UBE4B: variants seen among roughly 807,000 people sequenced by gnomAD.
UBE4B encodes ubiquitination factor E4B.
A neutral mutation model predicts 148.1 loss-of-function variants in UBE4B; 27 were observed. That is an observed-to-expected ratio of 0.18 (90% CI 0.13 to 0.25). The LOEUF (loss-of-function observed/expected upper bound fraction) is 0.25. UBE4B is among the 10% of genes least tolerant of loss of function. The pLI, the probability that UBE4B is intolerant of heterozygous loss-of-function variation, is 1.00. For missense variants in UBE4B, 1,170 were observed against 1,662.4 expected, an observed-to-expected ratio of 0.70 and a Z score of 5.15; for synonymous variants, 596 against 619.3, an observed-to-expected ratio of 0.96 and a Z score of 0.56.
intron 2 of UBE4B, among the ~76,000 whole-genome samples, chr1:10,085,352 C>A (rs1644748054): frequency 6.6e-6 from 1 of 152,206 alleles, no homozygotes; most frequent in South Asian, 2.1e-4. Context: ...TGGCCTCAGG[C>A]CTCTTGACTT....
intron 2 of UBE4B, among the ~76,000 whole-genome samples, chr1:10,077,674 C>G (rs1644607115): frequency 6.6e-6 from 1 of 152,224 alleles, no homozygotes; most frequent in Non-Finnish European, 1.5e-5. Flanking sequence ...AGCTGGCTGA[C>G]ATTGTTCCTC....
chr1:10,128,113 T>C (rs1366068085), intron 11 of UBE4B, among the ~76,000 whole-genome samples: 2 of 152,194 alleles, frequency 1.3e-5, no homozygotes, highest in African/African-American at 4.8e-5. Context: ...ATCTGATTGT[T>C]TGAGTTCAGT....
At chr1:10,059,100 G>A (rs1644233901) in intron 1 of UBE4B, 1 of 152,302 alleles carries the variant, frequency 6.6e-6, no homozygotes, top group South Asian at 2.1e-4. Flanking sequence ...TGTGGCGGTG[G>A]GCGCCTGTAG....
At chr1:10,151,873 C>A (rs1286564673) in intron 21 of UBE4B, among the ~76,000 whole-genome samples, 1 of 151,920 alleles carries the variant, frequency 6.6e-6, no homozygotes, top group Non-Finnish European at 1.5e-5. Context: ...TTATCTGGTT[C>A]ATTTTACCTT....
chr1:10,136,012 A>G (rs1287429279), intron 16 of UBE4B, among the ~76,000 whole-genome samples: 1 of 152,148 alleles, frequency 6.6e-6, no homozygotes, highest in Admixed American at 6.5e-5. Flanking sequence ...CCCAGTAGTA[A>G]CATTATTTAT....
At chr1:10,037,337 T>G (rs1643580214) in intron 1 of UBE4B, among the ~76,000 whole-genome samples, 1 of 151,962 alleles carries the variant, frequency 6.6e-6, no homozygotes. Context: ...GTCTTGTGCT[T>G]TTAAGTAGAG....
In UBE4B at chr1:10,158,496, C is replaced by T; in HGVS notation, c.3053+14C>T. 1 of 1,608,654 alleles carries T rather than the reference C, an allele frequency of 6.2e-7. No individual in the cohort carries two copies. The highest frequency in any genetic ancestry group is 8.5e-7 in the Non-Finnish European group (1 of 1,177,232). On this transcript the variant is annotated intron_variant, in intron 22 of 27. Transcript: ENST00000343090. ...GGAGGAGTTCAAGTGAGTATGGGGC[C>T]CCTCGTGTCACAACTTGCTTTCTTG...
chr1:10,143,079 G>C (rs964377374), intron 17 of UBE4B, among the ~76,000 whole-genome samples: 1 of 152,142 alleles, frequency 6.6e-6, no homozygotes, highest in Non-Finnish European at 1.5e-5. Flanking sequence ...CTGCACTCCA[G>C]GGCAACAGAG....
chr1:10,175,441 G>A (rs1019663676), intron 25 of UBE4B, among the ~76,000 whole-genome samples: 1 of 151,738 alleles, frequency 6.6e-6, no homozygotes, highest in South Asian at 2.1e-4. Flanking sequence ...CACAAGGTCA[G>A]GAGATCGAGA....
At position 10,137,316 on chromosome 1, in the gene UBE4B, T is replaced by C. The variant is rs1369031648; in HGVS notation, c.2363+111T>C. ...TGAATGTTGGGGGAGGTATGTACGT[T>C]ATATAGTGTTCTGTCTGCCTCCACC... On this transcript the variant is annotated intron_variant, in intron 17 of 27. Coordinates refer to ENST00000343090, the MANE Select transcript of UBE4B (RefSeq NM_001105562.3). 4 of 1,392,566 alleles carry C rather than the reference T, an allele frequency of 2.9e-6. No individual in the cohort carries two copies. The African/African-American group carries it at 5.7e-5, about 20-fold the overall frequency. The allele number at this position is 1,392,566 out of a possible 1,614,324, so 86.3% of individuals were successfully genotyped here. A position where few individuals can be genotyped will look rare whatever the true frequency, so the allele number is the denominator to read the frequency against.
chr1:10,125,023 G>T (rs1476759457), intron 10 of UBE4B, among the ~76,000 whole-genome samples: 1 of 152,172 alleles, frequency 6.6e-6, no homozygotes, highest in Non-Finnish European at 1.5e-5. Context: ...CTACTTGGGA[G>T]GCTGAGGCAG....
chr1:10,038,875 T>C (rs1229564899), intron 1 of UBE4B, among the ~76,000 whole-genome samples: 2 of 151,864 alleles, frequency 1.3e-5, no homozygotes, highest in Admixed American at 6.6e-5. Flanking sequence ...GGCAGGCGGA[T>C]CACGTGAAAC....
At chr1:10,053,844 A>G (rs1644104393) in intron 1 of UBE4B, among the ~76,000 whole-genome samples, 2 of 152,088 alleles carry the variant, frequency 1.3e-5, no homozygotes, top group Non-Finnish European at 2.9e-5. Flanking sequence ...TGTTGCCACC[A>G]TGCCTGGCTA....
intron 1 of UBE4B, among the ~76,000 whole-genome samples, chr1:10,046,107 G>GAGGGGAGGTCATGTGCCTC (rs1553134937): frequency 4.6e-5 from 7 of 152,194 alleles, no homozygotes; most frequent in Non-Finnish European, 7.3e-5. Context: ...CCAGAGAGGG[G>GAGGGGAGGTCATGTGCCTC]AGGGGAGGTC....
intron 1 of UBE4B, among the ~76,000 whole-genome samples, chr1:10,067,767 G>A (rs1444047460): frequency 6.6e-6 from 1 of 151,940 alleles, no homozygotes; most frequent in African/African-American, 2.4e-5. Context: ...TCACTCTATG[G>A]CCCAGGCTGG....
intron 2 of UBE4B, among the ~76,000 whole-genome samples, chr1:10,079,868 C>G (rs1367056728): frequency 6.6e-6 from 1 of 152,196 alleles, no homozygotes; most frequent in Non-Finnish European, 1.5e-5. Flanking sequence ...CTTCATCCTG[C>G]TTCCATTCAT....
At chr1:10,126,944 T>C (rs1010779320) in intron 11 of UBE4B, 67 bp downstream of exon 11, 59 of 1,392,514 alleles carry the variant, frequency 4.2e-5, no homozygotes, top group South Asian at 8.4e-5. Context: ...TTTTGACATA[T>C]ACTTTTCTTT....
chr1:10,110,137 A>G (rs1570908724), intron 7 of UBE4B, among the ~76,000 whole-genome samples: 1 of 152,210 alleles, frequency 6.6e-6, no homozygotes, highest in East Asian at 1.9e-4. Context: ...CTAATGTCAT[A>G]GAAGAAAGAA....
At chr1:10,105,856 A>T in intron 6 of UBE4B, 112 bp downstream of exon 6, 4 of 1,083,996 alleles carry the variant, frequency 3.7e-6, no homozygotes, top group Non-Finnish European at 5.3e-6. Context: ...GGTATGGCAT[A>T]TATCATATTT....
Sources: allele counts gnomAD v4.1 joint callset (sites outside exome capture counted in the v4.1 genomes callset), GRCh38; gene constraint gnomAD v4.1.1; transcripts MANE v1.5; gene names NCBI Gene and HGNC (gene_info 2026-07-23, HGNC 2026-07-21).